PRKCB: variants seen among roughly 807,000 people sequenced by gnomAD.
PRKCB encodes protein kinase C beta.
In PRKCB, 13 loss-of-function variants were observed where a neutral mutation model predicts 81.5. The observed-to-expected ratio is 0.16, with a 90% CI of 0.10 to 0.25. The LOEUF is 0.25. PRKCB is among the 10% of genes least tolerant of loss of function. The pLI, the probability that PRKCB is intolerant of heterozygous loss-of-function variation, is 1.00. For synonymous variants in PRKCB, 335 were observed against 321.4 expected, an observed-to-expected ratio of 1.04 and a Z score of -0.45; for missense variants, 509 against 875.7, an observed-to-expected ratio of 0.58 and a Z score of 5.29.
intron 5 of PRKCB, among the ~76,000 whole-genome samples, chr16:24,081,360 A>T (rs1325955227): frequency 6.6e-6 from 1 of 152,162 alleles, no homozygotes; most frequent in Non-Finnish European, 1.5e-5. Flanking sequence ...ATTGGACAAA[A>T]CTCAATATTC....
chr16:23,932,278 A>G (rs572345317), intron 2 of PRKCB, among the ~76,000 whole-genome samples: 2 of 152,380 alleles, frequency 1.3e-5, no homozygotes, highest in South Asian at 4.1e-4. Flanking sequence ...ATATAAAATG[A>G]TAATAAAGAA....
intron 2 of PRKCB, among the ~76,000 whole-genome samples, chr16:23,866,995 C>CCCTTCCCTTCCTTCCTTCCTT (rs1962806812): frequency 1.4e-5 from 1 of 71,644 alleles, no homozygotes; most frequent in Non-Finnish European, 2.8e-5. Flanking sequence ...TCCCTTCCTT[C>CCCTTCCCTTCCTTCCTTCCTT]CCTTCCTTCC....
chr16:24,148,033 T>G (rs1254622464), intron 9 of PRKCB, among the ~76,000 whole-genome samples: 1 of 152,168 alleles, frequency 6.6e-6, no homozygotes, highest in African/African-American at 2.4e-5. Context: ...TAGAGACAAT[T>G]GTCTGCTACA....
chr16:24,111,772 T>A (rs1252060888), intron 7 of PRKCB, among the ~76,000 whole-genome samples: 1 of 152,180 alleles, frequency 6.6e-6, no homozygotes, highest in African/African-American at 2.4e-5. Flanking sequence ...CACTCCAGCC[T>A]TGGTGACAGA....
chr16:24,053,418 G>A (rs572483224), intron 5 of PRKCB, among the ~76,000 whole-genome samples: 94 of 152,358 alleles, frequency 6.2e-4, no homozygotes, highest in Non-Finnish European at 1.0e-3. Flanking sequence ...GAATGGGCAC[G>A]GGTGTGTGCC....
At chr16:24,063,738 A>G (rs1050951362) in intron 5 of PRKCB, among the ~76,000 whole-genome samples, 1 of 152,162 alleles carries the variant, frequency 6.6e-6, no homozygotes, top group South Asian at 2.1e-4. Flanking sequence ...AGAATGTTTG[A>G]GAACTTGAGC....
At chr16:23,867,826 G>A (rs184117153) in intron 2 of PRKCB, among the ~76,000 whole-genome samples, 85 of 152,320 alleles carry the variant, frequency 5.6e-4, no homozygotes, top group Middle Eastern at 3.4e-3. Flanking sequence ...GTGAGCCACA[G>A]GGAGATTATT....
intron 9 of PRKCB, among the ~76,000 whole-genome samples, chr16:24,132,771 C>CTCTT (rs1476624243): frequency 2.5e-4 from 25 of 100,966 alleles, no homozygotes; most frequent in African/African-American, 9.2e-4. Flanking sequence ...TGATTTGGGG[C>CTCTT]TTTTTTTTTT....
intron 5 of PRKCB, among the ~76,000 whole-genome samples, chr16:24,040,948 A>G (rs1965689454): frequency 6.6e-6 from 1 of 152,168 alleles, no homozygotes; most frequent in South Asian, 2.1e-4. Context: ...TATTGACATC[A>G]TGATGCCCAT....
At chr16:23,864,197 C>T (rs1181787111) in intron 2 of PRKCB, among the ~76,000 whole-genome samples, 2 of 152,170 alleles carry the variant, frequency 1.3e-5, no homozygotes, top group Non-Finnish European at 1.5e-5. Context: ...CTACTTCTTT[C>T]CTAAACACCA....
intron 2 of PRKCB, among the ~76,000 whole-genome samples, chr16:23,983,181 G>A (rs533139357): frequency 1.5e-4 from 22 of 151,718 alleles, no homozygotes; most frequent in African/African-American, 4.6e-4. Flanking sequence ...ATGAGGGGGC[G>A]TTTATTTGTG....
At chr16:23,877,539 C>A (rs1271525583) in intron 2 of PRKCB, among the ~76,000 whole-genome samples, 1 of 152,110 alleles carries the variant, frequency 6.6e-6, no homozygotes, top group African/African-American at 2.4e-5. Context: ...CAAAAGTCGG[C>A]CTCAACCTGA....
At chr16:23,975,156 A>G (rs1187397481) in intron 2 of PRKCB, among the ~76,000 whole-genome samples, 1 of 152,200 alleles carries the variant, frequency 6.6e-6, no homozygotes, top group Non-Finnish European at 1.5e-5. Context: ...TGATTTTTGC[A>G]GTATTCACTT....
At chr16:24,143,119 T>C (rs753604355) in intron 9 of PRKCB, among the ~76,000 whole-genome samples, 91 of 152,176 alleles carry the variant, frequency 6.0e-4, no homozygotes, top group Middle Eastern at 6.8e-3. Flanking sequence ...CTTATTTTAT[T>C]ATTTTATTTT....
intron 2 of PRKCB, among the ~76,000 whole-genome samples, chr16:23,961,253 C>T (rs28629378): frequency 0.021 from 3,241 of 152,180 alleles, 106 homozygotes; most frequent in African/African-American, 0.074. Context: ...CCTCCAGTAT[C>T]CCAGTATTTT....
chr16:24,195,514 C>T (rs1444793259), intron 16 of PRKCB, among the ~76,000 whole-genome samples: 1 of 152,180 alleles, frequency 6.6e-6, no homozygotes, highest in African/African-American at 2.4e-5. Flanking sequence ...GTTCAAACAT[C>T]AGTGAAGGGT....
chr16:24,018,839 A>T (rs529056622), intron 3 of PRKCB, among the ~76,000 whole-genome samples: 1 of 152,314 alleles, frequency 6.6e-6, no homozygotes, highest in South Asian at 2.1e-4. Context: ...TCCCCTTTTC[A>T]AATGTGCCAT....
At position 24,220,191 on chromosome 16, in the gene PRKCB, AT is replaced by A. The variant is rs1968301669; in HGVS notation, c.*5377del. 3 of 1,547,716 alleles carry A rather than the reference AT, an allele frequency of 1.9e-6. No individual in the cohort carries two copies. Among genetic ancestry groups the A allele is most frequent in the Non-Finnish European group, 2.6e-6 (3 of 1,132,564 alleles). On this transcript the variant is annotated 3_prime_UTR_variant, in exon 17 of 17. Coordinates refer to ENST00000643927, the MANE Select transcript of PRKCB (RefSeq NM_002738.7). ...TATGTATCAATTCTAGTCTTCCAGG[AT>A]TCACGGTGCACATGCTGGCATTCAA...
chr16:24,080,765 G>A (rs1966239421), intron 5 of PRKCB, among the ~76,000 whole-genome samples: 1 of 152,042 alleles, frequency 6.6e-6, no homozygotes, highest in Non-Finnish European at 1.5e-5. Context: ...AGTCTCAAGG[G>A]AAATAAGAAA....
Sources: gnomAD v4.1 joint callset for allele counts (sites outside exome capture counted in the v4.1 genomes callset) on GRCh38, gnomAD v4.1.1 for gene constraint, MANE v1.5 for transcripts, NCBI Gene and HGNC (gene_info 2026-07-23, HGNC 2026-07-21) for gene names.